The following DZIP1 variants were observed in gnomAD, a reference collection of about 807,000 sequenced individuals.
The protein encoded by DZIP1 is cilium assembly protein DZIP1.
A neutral mutation model predicts 107.6 loss-of-function variants in DZIP1; 97 were observed. The observed-to-expected ratio is 0.90, with a 90% CI of 0.77 to 1.07. The LOEUF (loss-of-function observed/expected upper bound fraction) is 1.07. Among genes scored for constraint, DZIP1 ranks in the 50% least tolerant of loss-of-function variants. The probability of loss-of-function intolerance (pLI) is 0.00; values close to 1 mark genes in which losing one functional copy is unlikely to be tolerated. For synonymous variants in DZIP1, 390 were observed against 386.4 expected, an observed-to-expected ratio of 1.01 and a Z score of -0.11; for missense variants, 1,035 against 1,063.6, an observed-to-expected ratio of 0.97 and a Z score of 0.37.
intron 5 of DZIP1, among the ~76,000 whole-genome samples, chr13:95,637,604 A>ATCTC (rs10539901): frequency 3.9e-4 from 57 of 145,186 alleles, no homozygotes; most frequent in Middle Eastern, 3.5e-3. Flanking sequence ...GACATTAGCG[A>ATCTC]TCTCTCTCTC....
At chr13:95,594,676 T>C (rs1314199295) in intron 15 of DZIP1, among the ~76,000 whole-genome samples, 3 of 152,244 alleles carry the variant, frequency 2.0e-5, no homozygotes, top group East Asian at 1.9e-4. Context: ...AGTTTTTTAG[T>C]TACTAGAAGC....
At chr13:95,638,739 A>G (rs940704193) in intron 5 of DZIP1, among the ~76,000 whole-genome samples, 1 of 152,152 alleles carries the variant, frequency 6.6e-6, no homozygotes, top group Admixed American at 6.5e-5. Context: ...CAAGCCTTCA[A>G]GAACAGGCAT....
At position 95,589,837 on chromosome 13, in the gene DZIP1, T is replaced by C. The variant is rs12429632; in HGVS notation, c.1939A>G (p.Lys647Glu). 44 of 1,614,030 alleles carry C rather than the reference T, an allele frequency of 2.7e-5. No individual in the cohort carries two copies. The Admixed American group carries it at 7.2e-4, about 26-fold the overall frequency. The change falls in exon 18 of 23, where the codon AAA becomes GAA. Residue 647 changes from lysine to glutamate, a missense_variant. By Grantham distance (56) the Lys-to-Glu change is moderately conservative. Coordinates refer to ENST00000376829, the MANE Select transcript of DZIP1 (RefSeq NM_198968.4). ...PSKNRQLIRQ[K>E]AVSTDRTSVP... ...GATGTCCTATCAGTAGAAACAGCTTTTTGTCTAATCAGTTGTCTGTTTTTG... is the reference window on the plus strand; with the variant it reads ...GATGTCCTATCAGTAGAAACAGCTTCTTGTCTAATCAGTTGTCTGTTTTTG...
rs1317648977 is a variant in DZIP1, at chr13:95,581,526, A to G, written c.*708T>C. The G allele has an allele frequency of 3.3e-5, 5 of 152,238 alleles. No homozygotes were observed. Among genetic ancestry groups the G allele is most frequent in the Admixed American group, 3.3e-4 (5 of 15,286 alleles). 9.4% of individuals were successfully genotyped at this position (152,238 alleles called of 1,614,324 possible). A position where few individuals can be genotyped will look rare whatever the true frequency, so the allele number is the denominator to read the frequency against. ...TTACAGTGGCTCAAAGCTGAATGTG[A>G]CAAATGTACTCCAGGAAAATGTATT... On this transcript the variant is annotated 3_prime_UTR_variant, in exon 23 of 23. Coordinates refer to ENST00000376829, the MANE Select transcript of DZIP1 (RefSeq NM_198968.4).
At chr13:95,591,626 C>A (rs2138842475) in intron 16 of DZIP1, among the ~76,000 whole-genome samples, 1 of 152,240 alleles carries the variant, frequency 6.6e-6, no homozygotes, top group East Asian at 1.9e-4. Context: ...ATTCAATCAA[C>A]CCCCTCCTCT....
rs1029388239 is a variant in DZIP1 at position 95,585,916 on chromosome 13, C to G, written c.2349+90G>C. On this transcript the variant is annotated intron_variant, in intron 21 of 22. Coordinates refer to ENST00000376829, the MANE Select transcript of DZIP1 (RefSeq NM_198968.4). ...AACCTCTACTCTACCAGCTAACTAT[C>G]TGTTTTATATTTCACTACAAAAAGT... 5.4e-6 allele frequency: 7 copies of G among 1,303,218 alleles called. No individual in the cohort carries two copies. The African/African-American group carries it at 1.1e-4, about 20-fold the overall frequency. The allele number at this position is 1,303,218 out of a possible 1,614,324, so 80.7% of individuals were successfully genotyped here.
intron 20 of DZIP1, 119 bp from the exon 21 acceptor site, chr13:95,586,255 T>A: frequency 1.3e-6 from 1 of 787,810 alleles, no homozygotes; most frequent in Non-Finnish European, 1.8e-6. Flanking sequence ...AATTATGTAT[T>A]ATTAAAATAA....
At chr13:95,608,223 C>T (rs1450904693) in intron 13 of DZIP1, among the ~76,000 whole-genome samples, 3 of 151,890 alleles carry the variant, frequency 2.0e-5, no homozygotes, top group African/African-American at 7.3e-5. Context: ...TGACCACATT[C>T]CCCAATCAGT....
chr13:95,638,549 TTTTAA>T (rs1878095653), intron 5 of DZIP1, among the ~76,000 whole-genome samples: 1 of 152,214 alleles, frequency 6.6e-6, no homozygotes, highest in South Asian at 2.1e-4. Context: ...TATATTGTTG[TTTTAA>T]TTTTTCTGCA....
chr13:95,599,705 G>A (rs1156522846), intron 14 of DZIP1, among the ~76,000 whole-genome samples: 1 of 152,130 alleles, frequency 6.6e-6, no homozygotes, highest in African/African-American at 2.4e-5. Flanking sequence ...GTACACGGTA[G>A]CCTTTTAAGA....
Position 95,641,750 on chromosome 13 carries a change from G to A in DZIP1, c.142C>T (p.Pro48Ser), listed in dbSNP as rs1393862087. 17 of 1,587,610 alleles carry A rather than the reference G, an allele frequency of 1.1e-5. No individual in the cohort carries two copies. The highest frequency in any genetic ancestry group is 1.4e-5 in the Non-Finnish European group (17 of 1,173,370). Residue 48 changes from proline to serine, a missense_variant, in exon 5 of 23, where the codon CCC becomes TCC. Transcript: ENST00000376829. This position sits in a 1 kb window ranked among gnomAD's most constrained non-coding sequence, Gnocchi z 4.3. ...AGAASMACAPPSAASGPLPFF... is the reference protein window; with the variant it reads ...AGAASMACAPSSAASGPLPFF... ...GGCAGGGGCCCCGAAGCCGCGCTGG[G>A]GGGCGCACAGGCCATGGAGGCCGCA...
chr13:95,624,836 C>T lies in DZIP1; in HGVS notation c.904G>A (p.Glu302Lys), dbSNP rs1876340422. 6.2e-7 allele frequency: 1 copy of T among 1,611,772 alleles called. No individual in the cohort carries two copies. Among genetic ancestry groups the T allele is most frequent in the African/African-American group, 1.3e-5 (1 of 74,896 alleles). ...EEKEKLVDEM[E>K]KVKEMFMKEF... ...TTCATAAACATCTCCTTGACTTTTT[C>T]CATTTCATCAACTAGTTTCTCCTTT... Residue 302 changes from glutamate to lysine, a missense_variant, in exon 8 of 23, where the codon GAA becomes AAA. Physicochemically the swap from Glu to Lys is moderately conservative, Grantham distance 56 (BLOSUM62 1). Transcript: ENST00000376829.
chr13:95,582,312 T>A lies in DZIP1; in HGVS notation c.2526A>T (p.Gly842=), dbSNP rs200396213. The A allele has an allele frequency of 6.2e-7, 1 of 1,614,122 alleles. No individual in the cohort carries two copies. Among genetic ancestry groups the A allele is most frequent in the Non-Finnish European group, 8.5e-7 (1 of 1,179,972 alleles). ...AFNPKGPKGE[G]LQENESSTLK... ...ATGTGCTTGATTCATTTTCTTGAAGTCCTGTAAGTGGTGGGTAGAGGCAGA... is the reference window on the plus strand; with the variant it reads ...ATGTGCTTGATTCATTTTCTTGAAGACCTGTAAGTGGTGGGTAGAGGCAGA... The change falls in exon 23 of 23, where the codon GGA becomes GGT. Residue 842 remains glycine, a splice_region_variant and synonymous_variant. Transcript: ENST00000376829.
intron 16 of DZIP1, 151 bp downstream of exon 16, chr13:95,593,793 C>T (rs2044372713): frequency 1.2e-6 from 1 of 835,236 alleles, no homozygotes; most frequent in Non-Finnish European, 1.8e-6. Context: ...GAATGCTATT[C>T]AAGTGTTTGA....
intron 16 of DZIP1, among the ~76,000 whole-genome samples, chr13:95,593,150 A>G (rs1434027599): frequency 6.6e-6 from 1 of 152,250 alleles, no homozygotes; most frequent in African/African-American, 2.4e-5. Flanking sequence ...CTGAAAACAT[A>G]CACAATCATC....
rs530787863 is a variant in DZIP1 at position 95,596,080 on chromosome 13, C to G, written c.1538-1994G>C. On this transcript the variant is annotated intron_variant, in intron 15 of 22. Coordinates refer to ENST00000376829, the MANE Select transcript of DZIP1 (RefSeq NM_198968.4). ...AACCATTTATGAATAATTAGAGCAC[C>G]CTTGGTAAAGATTCTTACAAGGGTG... Among the ~76,000 whole-genome samples the G allele has an allele frequency of 3.3e-5, 5 of 152,076 alleles. No individual in the cohort carries two copies. The East Asian group carries it at 9.7e-4, about 29-fold the overall frequency.
At chr13:95,634,194 C>G (rs1388352699) in intron 5 of DZIP1, among the ~76,000 whole-genome samples, 1 of 152,192 alleles carries the variant, frequency 6.6e-6, no homozygotes, top group Non-Finnish European at 1.5e-5. Flanking sequence ...TGATCTTATC[C>G]AGACCCTCCT....
intron 14 of DZIP1, among the ~76,000 whole-genome samples, chr13:95,605,511 T>G (rs2044746962): frequency 6.6e-6 from 1 of 152,248 alleles, no homozygotes; most frequent in African/African-American, 2.4e-5. Context: ...TTTCACCCAG[T>G]GGTTCCTACC....
In DZIP1 at chr13:95,642,088, A is replaced by G; in HGVS notation, c.-59T>C. 1.4e-6 allele frequency: 2 copies of G among 1,454,002 alleles called. No individual in the cohort carries two copies. The highest frequency in any genetic ancestry group is 1.8e-6 in the Non-Finnish European group (2 of 1,112,014). 90.1% of individuals were successfully genotyped at this position (1,454,002 alleles called of 1,614,324 possible). ...CCGCCTCCCGGGCCGCCGCCGCCAC[A>G]GCCCTCAGGAGCGGGAGAAGGCCGG... On this transcript the variant is annotated 5_prime_UTR_variant, in exon 4 of 23. Transcript: ENST00000376829.
Sources: allele counts gnomAD v4.1 joint callset (sites outside exome capture counted in the v4.1 genomes callset), GRCh38; gene constraint gnomAD v4.1.1; non-coding constraint Gnocchi (gnomAD v3.1); transcripts MANE v1.5; gene names NCBI Gene and HGNC (gene_info 2026-07-23, HGNC 2026-07-21).